EBF4: variants seen among roughly 807,000 people sequenced by gnomAD.
EBF4 encodes the protein EBF transcription factor 4, also known as transcription factor COE4.
A neutral mutation model predicts 67.1 loss-of-function variants in EBF4; 34 were observed. That is an observed-to-expected ratio of 0.51 (90% CI 0.39 to 0.67). The LOEUF is 0.67. Among genes scored for constraint, EBF4 ranks in the 30% least tolerant of loss-of-function variants. The pLI, the probability that EBF4 is intolerant of heterozygous loss-of-function variation, is 0.00. For synonymous variants in EBF4, 387 were observed against 377.7 expected (o/e 1.02, Z -0.29); for missense variants, 837 against 873.3 (o/e 0.96, Z 0.52).
intron 6 of EBF4, among the ~76,000 whole-genome samples, chr20:2,748,194 C>T (rs181926304): frequency 3.9e-5 from 6 of 152,116 alleles, no homozygotes; most frequent in East Asian, 1.9e-4. Context: ...GTATACAGTG[C>T]GTTGGGTATA....
intron 6 of EBF4, among the ~76,000 whole-genome samples, chr20:2,744,173 C>T (rs946507284): frequency 2.2e-4 from 33 of 151,904 alleles, no homozygotes; most frequent in African/African-American, 7.0e-4. Context: ...CTCCGCCTCC[C>T]GGGTTCAAGT....
intron 1 of EBF4, among the ~76,000 whole-genome samples, chr20:2,700,112 C>G (rs1000589022): frequency 5.3e-5 from 8 of 152,176 alleles, no homozygotes; most frequent in African/African-American, 1.9e-4. Context: ...CTCACCCATC[C>G]CTCTGGTGGG....
intron 6 of EBF4, among the ~76,000 whole-genome samples, chr20:2,714,338 CTTTCTTTCTTTCT>C (rs1159961054): frequency 7.3e-4 from 110 of 151,398 alleles, no homozygotes; most frequent in African/African-American, 2.4e-3. Context: ...TTCTCTCTCT[CTTTCTTTCTTTCT>C]TTTCTTTCTT....
intron 14 of EBF4, among the ~76,000 whole-genome samples, chr20:2,752,796 G>A (rs1180375031): frequency 6.6e-6 from 1 of 152,250 alleles, no homozygotes; most frequent in Non-Finnish European, 1.5e-5. Context: ...CTTCTTTGCC[G>A]GTCCGTTATG....
At chr20:2,729,011 CT>C (rs201831900) in intron 6 of EBF4, among the ~76,000 whole-genome samples, 2,170 of 152,146 alleles carry the variant, frequency 0.014, 61 homozygotes, top group African/African-American at 0.048. Context: ...GTTAGAACAG[CT>C]ACTAGATCTT....
rs969192566 is a variant in EBF4 at position 2,744,838 on chromosome 20, T to G, written c.558-3711T>G. Among the ~76,000 whole-genome samples the G allele has an allele frequency of 4.6e-5, 7 of 152,180 alleles. No homozygotes were observed. The East Asian group carries it at 1.3e-3, about 29-fold the overall frequency. Reference sequence around the variant, plus strand: ...AAATTTTCCAGTAGCCACAAGAAACTGATACAACTAATTATCATAATGCAT... The same window carrying G: ...AAATTTTCCAGTAGCCACAAGAAACGGATACAACTAATTATCATAATGCAT... On this transcript the variant is annotated intron_variant, in intron 6 of 16. Coordinates refer to ENST00000609451, the Ensembl canonical transcript of EBF4.
In EBF4 at chr20:2,755,634, C is replaced by G. The variant is rs1299790630; in HGVS notation, c.1548C>G (p.Pro516=). ...CCCCGCCCCGCCCCGGAGTCATGCC[C>G]TCTAGCCCCCCGCTGGCGGCTGCCT... Residue 516 remains proline (P), a synonymous_variant, in exon 15 of 17, where the codon CCC becomes CCG. Transcript: ENST00000609451. This position sits in a 1 kb window ranked among gnomAD's most constrained non-coding sequence, Gnocchi z 4.7. 12 of 1,521,288 alleles carry G rather than the reference C, an allele frequency of 7.9e-6. No homozygotes were observed. In the East Asian group the frequency reaches 2.9e-4, roughly 37 times the overall value. 94.2% of individuals were successfully genotyped at this position (1,521,288 alleles called of 1,614,324 possible).
intron 6 of EBF4, among the ~76,000 whole-genome samples, chr20:2,711,318 A>G (rs8121831): frequency 0.018 from 2,801 of 152,220 alleles, 59 homozygotes; most frequent in Middle Eastern, 0.065. Flanking sequence ...AAAATATTTC[A>G]TTGTATGGGT....
chr20:2,723,981 T>C (rs2087718068), intron 6 of EBF4, among the ~76,000 whole-genome samples: 1 of 152,244 alleles, frequency 6.6e-6, no homozygotes, highest in African/African-American at 2.4e-5. Flanking sequence ...ACTTCAATTC[T>C]ATCCTTTGAG....
Position 2,755,608 on chromosome 20 carries a change from T to TCC in EBF4, c.1541-16_1541-15dup. 2 of 559,532 alleles carry TCC rather than the reference T, an allele frequency of 3.6e-6. No individual in the cohort carries two copies. The highest frequency in any genetic ancestry group is 3.1e-6 in the Non-Finnish European group (1 of 317,876). The allele number at this position is 559,532 out of a possible 1,614,324, so 34.7% of individuals were successfully genotyped here. On this transcript the variant is annotated intron_variant, in intron 14 of 16. Coordinates refer to ENST00000609451, the Ensembl canonical transcript of EBF4. This position sits in a 1 kb window ranked among gnomAD's most constrained non-coding sequence, Gnocchi z 4.7. The stretch of plus-strand genomic sequence containing the variant: ...CCACCTTCCCTGCTGCGCCTGCCCC[T>TCC]CCCCGCCCCGCCCCGGAGTCATGCC...
intron 6 of EBF4, among the ~76,000 whole-genome samples, chr20:2,729,356 C>A (rs1383008095): frequency 6.6e-6 from 1 of 152,146 alleles, no homozygotes. Context: ...CTTAAAGCCA[C>A]CCCCACCAAT....
chr20:2,708,739 G>A (rs1408193083), intron 5 of EBF4, among the ~76,000 whole-genome samples: 1 of 152,204 alleles, frequency 6.6e-6, no homozygotes, highest in African/African-American at 2.4e-5. Context: ...AATAAATAAA[G>A]TAAAATAAAT....
chr20:2,748,680 G>C (rs769640176), intron 7 of EBF4, 50 bp downstream of exon 7: 1 of 1,515,342 alleles, frequency 6.6e-7, no homozygotes, highest in South Asian at 1.2e-5. Context: ...TTTCCTGATG[G>C]AGGGGAGGGG....
chr20:2,742,367 A>C (rs1367508927), intron 6 of EBF4, among the ~76,000 whole-genome samples: 1 of 152,092 alleles, frequency 6.6e-6, no homozygotes, highest in African/African-American at 2.4e-5. Context: ...TGAGTGCCTG[A>C]TGGGTTAGAC....
chr20:2,700,451 C>A (rs2087357520), intron 1 of EBF4, among the ~76,000 whole-genome samples: 1 of 152,148 alleles, frequency 6.6e-6, no homozygotes, highest in African/African-American at 2.4e-5. Flanking sequence ...CTCCACACCC[C>A]AATGTTTGTC....
chr20:2,744,487 C>CTT (rs778840182), intron 6 of EBF4, among the ~76,000 whole-genome samples: 24,353 of 107,258 alleles, frequency 0.23, 2,900 homozygotes, highest in African/African-American at 0.32. Flanking sequence ...TTCTTTTTTT[C>CTT]TTTTCTTTTT....
intron 6 of EBF4, among the ~76,000 whole-genome samples, chr20:2,714,436 C>T (rs538435264): frequency 3.8e-4 from 58 of 152,182 alleles, no homozygotes; most frequent in African/African-American, 1.3e-3. Flanking sequence ...CACTGCACCT[C>T]GACCTCCTGG....
intron 6 of EBF4, among the ~76,000 whole-genome samples, chr20:2,728,931 T>C (rs1057063472): frequency 6.6e-6 from 1 of 152,126 alleles, no homozygotes; most frequent in Admixed American, 6.5e-5. Flanking sequence ...AATTTCCATA[T>C]CATAGTAGAG....
At chr20:2,718,913 CA>C (rs1293013450) in intron 6 of EBF4, among the ~76,000 whole-genome samples, 1 of 152,170 alleles carries the variant, frequency 6.6e-6, no homozygotes, top group Non-Finnish European at 1.5e-5. Context: ...CTTTTAGAGA[CA>C]TACACTTCTC....
Sources: allele counts gnomAD v4.1 joint callset (sites outside exome capture counted in the v4.1 genomes callset), GRCh38; gene constraint gnomAD v4.1.1; non-coding constraint Gnocchi (gnomAD v3.1); transcripts MANE v1.5; gene names NCBI Gene and HGNC (gene_info 2026-07-23, HGNC 2026-07-21).